Variants in DGCR8 observed in about 807,000 individuals in gnomAD.
DGCR8 encodes DGCR8 microprocessor complex subunit.
In DGCR8, 14 loss-of-function variants were observed where a neutral mutation model predicts 78.5. The observed-to-expected ratio is 0.18, with a 90% confidence interval of 0.12 to 0.28. DGCR8 has a LOEUF of 0.28. Ranked by LOEUF, DGCR8 falls within the 10% of genes least tolerant of loss-of-function variation. The pLI is 1.00. For missense variants in DGCR8, 702 were observed against 1,022.5 expected, an observed-to-expected ratio of 0.69 and a Z score of 4.28; for synonymous variants, 399 against 402.4, an observed-to-expected ratio of 0.99 and a Z score of 0.10.
Position 20,094,718 on chromosome 22 carries a change from G to A in DGCR8, c.1711G>A (p.Ala571Thr), listed in dbSNP as rs1443648994. The part of the protein sequence containing the change: ...KKLAKNKAAR[A>T]TLEILIPDFV... ...CGGGCTCTTTTTTTTCATAGCCCGA[G>A]CTACACTGGAAATCCTCATCCCTGA... The change falls in exon 9 of 14, where the codon GCT (alanine) becomes ACT (threonine). Residue 571 changes from alanine to threonine, a missense_variant. Ala to Thr is a moderately conservative substitution (Grantham distance 58). Coordinates refer to ENST00000351989, the MANE Select transcript of DGCR8 (RefSeq NM_022720.7). 1 of 1,613,792 alleles carries A rather than the reference G, an allele frequency of 6.2e-7. No individual in the cohort carries two copies. Among genetic ancestry groups the A allele is most frequent in the African/African-American group, 1.3e-5 (1 of 74,824 alleles).
In DGCR8 at chr22:20,110,195, G is replaced by C. The variant is rs1401908333; in HGVS notation, c.*87G>C. On this transcript the variant is annotated 3_prime_UTR_variant, in exon 14 of 14. Coordinates refer to ENST00000351989, the MANE Select transcript of DGCR8 (RefSeq NM_022720.7). ...CATGCATCGTGCACCACAGTGTCAG[G>C]CCTCCAACCCACGCTCCTTCCCTGT... 2.1e-6 allele frequency: 3 copies of C among 1,400,426 alleles called. No homozygotes were observed. Among genetic ancestry groups the C allele is most frequent in the Non-Finnish European group, 3.0e-6 (3 of 1,009,640 alleles). The allele number at this position is 1,400,426 out of a possible 1,614,324, so 86.7% of individuals were successfully genotyped here.
intron 1 of DGCR8, among the ~76,000 whole-genome samples, chr22:20,082,183 A>G (rs1303119308): frequency 6.6e-6 from 1 of 151,558 alleles, no homozygotes; most frequent in African/African-American, 2.4e-5. Flanking sequence ...CAGCCTCCCA[A>G]GTAGCTGGGA....
intron 9 of DGCR8, among the ~76,000 whole-genome samples, chr22:20,095,848 C>T (rs140049794): frequency 1.8e-3 from 267 of 152,198 alleles, no homozygotes; most frequent in African/African-American, 5.5e-3. Context: ...CCTCTGATGA[C>T]GATGGGAGAC....
At chr22:20,107,165 TG>T in intron 11 of DGCR8, 105 bp from the exon 12 acceptor site, 1 of 1,312,830 alleles carries the variant, frequency 7.6e-7, no homozygotes, top group Non-Finnish European at 1.1e-6. Flanking sequence ...GAATGTGCCC[TG>T]GCTGGCCCTC....
At chr22:20,109,280 C>T (rs1360783228) in intron 13 of DGCR8, 2 of 367,478 alleles carry the variant, frequency 5.4e-6, no homozygotes, top group Non-Finnish European at 1.0e-5. Flanking sequence ...GTCCCATGTC[C>T]TCCCTGGGTG....
Position 20,086,975 on chromosome 22 carries a change from A to G in DGCR8, c.721-187A>G. 2.5e-6 allele frequency: 2 copies of G among 804,744 alleles called. No individual in the cohort carries two copies. The highest frequency in any genetic ancestry group is 5.2e-5 in the East Asian group (2 of 38,592). 49.9% of individuals were successfully genotyped at this position (804,744 alleles called of 1,614,324 possible). A position where few individuals can be genotyped will look rare whatever the true frequency, so the allele number is the denominator to read the frequency against. Reference sequence around the variant, plus strand: ...CCTTGGCAGTGTGTGCCCCTGGACCAGGTGTGTTGGTGTCAGCTGGTAGCT... The same window carrying G: ...CCTTGGCAGTGTGTGCCCCTGGACCGGGTGTGTTGGTGTCAGCTGGTAGCT... On this transcript the variant is annotated intron_variant, in intron 2 of 13. Coordinates refer to ENST00000351989, the MANE Select transcript of DGCR8 (RefSeq NM_022720.7). This position sits in a 1 kb window ranked among gnomAD's most constrained non-coding sequence, Gnocchi z 6.4.
rs2147914318 is a variant in DGCR8, at chr22:20,085,151, G to A, written c.-277-536G>A. The A allele has an allele frequency of 3.4e-6, 2 of 590,718 alleles. No homozygotes were observed. The highest frequency in any genetic ancestry group is 6.3e-5 in the Admixed American group (1 of 15,794). 36.6% of individuals were successfully genotyped at this position (590,718 alleles called of 1,614,324 possible). ...TCCCCGTCCACGTGCTACCCTGTGG[G>A]CCCAGGAGAGCCCTGGGGTCCCTGG... On this transcript the variant is annotated intron_variant, in intron 1 of 13. Coordinates refer to ENST00000351989, the MANE Select transcript of DGCR8 (RefSeq NM_022720.7). This position sits in a 1 kb window ranked among gnomAD's most constrained non-coding sequence, Gnocchi z 6.2.
intron 9 of DGCR8, among the ~76,000 whole-genome samples, chr22:20,097,985 G>A (rs2049649630): frequency 6.6e-6 from 1 of 150,956 alleles, no homozygotes; most frequent in Non-Finnish European, 1.5e-5. Context: ...AAATTAGCTG[G>A]GTGTGGTGGT....
chr22:20,100,651 CTG>C (rs1474284399), intron 9 of DGCR8: 22 of 985,308 alleles, frequency 2.2e-5, no homozygotes, highest in Admixed American at 6.1e-5. Context: ...AGCCTCCACT[CTG>C]GGGTTCTTCT....
rs746495980 is a variant in DGCR8 at position 20,090,276 on chromosome 22, T to C, written c.1306+18T>C. On this transcript the variant is annotated intron_variant, in intron 5 of 13. Coordinates refer to ENST00000351989, the MANE Select transcript of DGCR8 (RefSeq NM_022720.7). ...ATCCGTTGGTGAGTTTTTGAAGGAC[T>C]CTTCCCTTCTTGCCTCCTGGGACCC... 3 of 1,572,064 alleles carry C rather than the reference T, an allele frequency of 1.9e-6. No individual in the cohort carries two copies. In the East Asian group the frequency reaches 6.7e-5, roughly 35 times the overall value.
In DGCR8 at chr22:20,092,952, GT is replaced by G. The variant is rs139335176; in HGVS notation, c.1705+46del. The G allele has an allele frequency of 1.2e-3, 1,783 of 1,516,608 alleles. 23 individuals are homozygous for G. In the African/African-American group the frequency reaches 0.023, roughly 19 times the overall value. The allele number at this position is 1,516,608 out of a possible 1,614,324, so 93.9% of individuals were successfully genotyped here. ...GTCAAAGATACGTGCTGCCTGCTGT[GT>G]CTGCCTCGCTGCTTGGTTAGGGAGG... On this transcript the variant is annotated intron_variant, in intron 8 of 13. Coordinates refer to ENST00000351989, the MANE Select transcript of DGCR8 (RefSeq NM_022720.7).
chr22:20,086,842 T>G lies in DGCR8; in HGVS notation c.720+159T>G. On this transcript the variant is annotated intron_variant, in intron 2 of 13. Coordinates refer to ENST00000351989, the MANE Select transcript of DGCR8 (RefSeq NM_022720.7). This position sits in a 1 kb window ranked among gnomAD's most constrained non-coding sequence, Gnocchi z 6.4. ...AATGTTAATGTGGAGAAGAGAAAGA[T>G]GTAAGGAGTCCAGATTTTTAAAGTT... 8 of 951,000 alleles carry G rather than the reference T, an allele frequency of 8.4e-6. No homozygotes were observed. In the South Asian group the frequency reaches 8.7e-5, roughly 10 times the overall value. The allele number at this position is 951,000 out of a possible 1,614,324, so 58.9% of individuals were successfully genotyped here.
intron 8 of DGCR8, among the ~76,000 whole-genome samples, chr22:20,093,923 C>T (rs535844510): frequency 2.0e-5 from 3 of 152,308 alleles, no homozygotes; most frequent in East Asian, 1.9e-4. Flanking sequence ...CTGTCATTGC[C>T]GTGTGTTTTC....
intron 9 of DGCR8, among the ~76,000 whole-genome samples, chr22:20,103,155 T>C (rs924452580): frequency 3.4e-5 from 5 of 148,736 alleles, no homozygotes; most frequent in Middle Eastern, 3.3e-3. Flanking sequence ...AAAAAAAAAA[T>C]CTGCCTGCAT....
chr22:20,106,426 G>A (rs2049770581), intron 10 of DGCR8, 149 bp downstream of exon 10: 1 of 815,870 alleles, frequency 1.2e-6, no homozygotes, highest in Non-Finnish European at 2.0e-6. Flanking sequence ...CCACCAGTCA[G>A]TCCCACAGGC....
At chr22:20,101,245 C>T in intron 9 of DGCR8, 1 of 985,338 alleles carries the variant, frequency 1.0e-6, no homozygotes, top group Non-Finnish European at 1.2e-6. Context: ...TTGTATGTGC[C>T]CCTCCTGAGA....
rs778992846 is a variant in DGCR8, at chr22:20,086,252, C to T, written c.289C>T (p.Arg97Cys). 4.3e-6 allele frequency: 7 copies of T among 1,614,068 alleles called. No individual in the cohort carries two copies. Among genetic ancestry groups the T allele is most frequent in the Middle Eastern group, 1.6e-4 (1 of 6,084 alleles). The change falls in exon 2 of 14, where the codon CGC (arginine) becomes TGC (cysteine). Residue 97 changes from arginine to cysteine, a missense_variant. Transcript: ENST00000351989. This position sits in a 1 kb window ranked among gnomAD's most constrained non-coding sequence, Gnocchi z 6.4. ...CCCGAACTGTAGTGGCCACAGCCCG[C>T]GCACCGCCCGGCACGCACCTGCGGT... ...IDPNCSGHSP[R>C]TARHAPAVRK...
rs954320314 is a variant in DGCR8 at position 20,106,362 on chromosome 22, A to G, written c.1889+85A>G. 6 of 1,245,998 alleles carry G rather than the reference A, an allele frequency of 4.8e-6. No individual in the cohort carries two copies. In the African/African-American group the frequency reaches 7.4e-5, roughly 15 times the overall value. The allele number at this position is 1,245,998 out of a possible 1,614,324, so 77.2% of individuals were successfully genotyped here. On this transcript the variant is annotated intron_variant, in intron 10 of 13. Transcript: ENST00000351989. Reference sequence around the variant, plus strand: ...TCATATTCTTGTGGCTGTTTGTCCCAAGGCAGAGGCATGGCCAGGTTTCCC... The same window carrying G: ...TCATATTCTTGTGGCTGTTTGTCCCGAGGCAGAGGCATGGCCAGGTTTCCC...
At chr22:20,106,326 T>A (rs1308850557) in intron 10 of DGCR8, 49 bp downstream of exon 10, 1 of 1,444,724 alleles carries the variant, frequency 6.9e-7, no homozygotes, top group Non-Finnish European at 9.7e-7. Context: ...GGGGAGCTCC[T>A]CTCTGGCGTC....
Sources: allele counts gnomAD v4.1 joint callset (sites outside exome capture counted in the v4.1 genomes callset), GRCh38; gene constraint gnomAD v4.1.1; non-coding constraint Gnocchi (gnomAD v3.1); transcripts MANE v1.5; gene names NCBI Gene and HGNC (gene_info 2026-07-23, HGNC 2026-07-21).